The following ARIH1 variants were observed in gnomAD, a reference collection of about 807,000 sequenced individuals.
The protein encoded by ARIH1 is ariadne RBR E3 ubiquitin protein ligase 1.
ARIH1 carries 8 observed loss-of-function variants against 85.0 expected under a neutral mutation model. The observed-to-expected ratio is 0.09, with a 90% CI of 0.06 to 0.17. The LOEUF (loss-of-function observed/expected upper bound fraction) is 0.17. ARIH1 is among the 10% of genes least tolerant of loss of function. ARIH1 has a pLI of 1.00. For synonymous variants in ARIH1, 238 were observed against 253.6 expected, an observed-to-expected ratio of 0.94 and a Z score of 0.59; for missense variants, 311 against 718.1, an observed-to-expected ratio of 0.43 and a Z score of 6.48.
In ARIH1 at chr15:72,596,681, CTT is replaced by C. The variant is rs1420911983; in HGVS notation, c.*13391_*13392del. 6.6e-6 allele frequency: 1 copy of C among 152,130 alleles called. No homozygotes were observed. Among genetic ancestry groups the C allele is most frequent in the Non-Finnish European group, 1.5e-5 (1 of 68,012 alleles). 9.4% of individuals were successfully genotyped at this position (152,130 alleles called of 1,614,324 possible). A position where few individuals can be genotyped will look rare whatever the true frequency, so the allele number is the denominator to read the frequency against. ...GTTTGGATACTTTCCATTTAACCAT[CTT>C]TAAGTTTTTTGATGCTTTCCAATGT... On this transcript the variant is annotated 3_prime_UTR_variant, in exon 14 of 14. Transcript: ENST00000379887.
intron 2 of ARIH1, among the ~76,000 whole-genome samples, chr15:72,542,490 A>G (rs1297983599): frequency 1.3e-5 from 2 of 152,234 alleles, no homozygotes; most frequent in East Asian, 3.8e-4. Flanking sequence ...ATGGGCTAAG[A>G]TTTTAATCTA....
chr15:72,545,188 G>A (rs2064123541), intron 3 of ARIH1, among the ~76,000 whole-genome samples: 2 of 152,150 alleles, frequency 1.3e-5, no homozygotes, highest in South Asian at 2.1e-4. Context: ...ACTTGTCCAA[G>A]TTGTCATTTA....
At chr15:72,539,450 CAG>C (rs757422970) in intron 2 of ARIH1, among the ~76,000 whole-genome samples, 10 of 147,674 alleles carry the variant, frequency 6.8e-5, no homozygotes, top group Non-Finnish European at 1.3e-4. Context: ...ACTGACAGAA[CAG>C]AAAAAAAAAA....
chr15:72,506,367 A>AAAAAAAAAAAAG lies in ARIH1; in HGVS notation c.376-11690_376-11689insAGAAAAAAAAAA, dbSNP rs1555485516. On this transcript the variant is annotated intron_variant, in intron 1 of 13. Coordinates refer to ENST00000379887, the MANE Select transcript of ARIH1 (RefSeq NM_005744.5). ...TCCGTCTCACAAAAAAAAAAAAAAG[A>AAAAAAAAAAAAG]AAAAAAAAAAGAACTTAGTCATTGT... is the stretch of plus-strand genomic sequence containing the variant. 1.2e-3 allele frequency among the ~76,000 whole-genome samples: 164 copies of AAAAAAAAAAAAG among 140,742 alleles called. 1 individual carries two copies. Among genetic ancestry groups the AAAAAAAAAAAAG allele is most frequent in the African/African-American group, 3.9e-3 (148 of 38,422 alleles). The allele number at this position is 140,742 out of a possible 152,430, so 92.3% of individuals were successfully genotyped here. A position where few individuals can be genotyped will look rare whatever the true frequency, so the allele number is the denominator to read the frequency against.
At chr15:72,555,958 C>A (rs371233497) in intron 5 of ARIH1, 51 bp downstream of exon 5, 1 of 1,515,714 alleles carries the variant, frequency 6.6e-7, no homozygotes, top group South Asian at 1.2e-5. Context: ...GTTGGTTAAA[C>A]CAAATTAATT....
At chr15:72,537,591 A>G (rs182219490) in intron 2 of ARIH1, among the ~76,000 whole-genome samples, 131 of 152,242 alleles carry the variant, frequency 8.6e-4, no homozygotes, top group Admixed American at 1.6e-3. Context: ...GTTCTTATTC[A>G]TTCGTATGAT....
At chr15:72,562,227 T>C (rs1267858029) in intron 6 of ARIH1, among the ~76,000 whole-genome samples, 1 of 152,184 alleles carries the variant, frequency 6.6e-6, no homozygotes, top group East Asian at 1.9e-4. Context: ...TGCTATCCTT[T>C]ATTGGACCAT....
At chr15:72,555,476 A>T in intron 4 of ARIH1, 113 bp downstream of exon 4, 1 of 741,656 alleles carries the variant, frequency 1.3e-6, no homozygotes, top group Non-Finnish European at 2.2e-6. Context: ...ATGATTCTAG[A>T]TTCAAACAAC....
chr15:72,563,547 A>G, intron 7 of ARIH1, 47 bp downstream of exon 7: 1 of 1,486,830 alleles, frequency 6.7e-7, no homozygotes, highest in Non-Finnish European at 9.4e-7. Context: ...AAGCGTTTCC[A>G]TTTCTCCTGT....
intron 2 of ARIH1, among the ~76,000 whole-genome samples, chr15:72,535,349 A>G (rs970655328): frequency 7.2e-5 from 11 of 152,170 alleles, no homozygotes; most frequent in Admixed American, 6.5e-5. Context: ...CTTGCATGCT[A>G]AGTAGCATGT....
intron 1 of ARIH1, among the ~76,000 whole-genome samples, chr15:72,486,165 A>G (rs1326612201): frequency 6.6e-6 from 1 of 152,110 alleles, no homozygotes; most frequent in African/African-American, 2.4e-5. Context: ...TTGACCATAC[A>G]ATGGTTTCCC....
intron 3 of ARIH1, among the ~76,000 whole-genome samples, chr15:72,552,799 G>A (rs1278423157): frequency 6.7e-6 from 1 of 148,628 alleles, no homozygotes; most frequent in Admixed American, 6.7e-5. Flanking sequence ...TTTTGAGACA[G>A]AGTCTCGCTT....
intron 2 of ARIH1, among the ~76,000 whole-genome samples, chr15:72,529,589 A>G (rs1045981751): frequency 2.0e-5 from 3 of 152,226 alleles, no homozygotes; most frequent in South Asian, 2.1e-4. Context: ...GTATCATACA[A>G]TAGACCACCA....
intron 1 of ARIH1, among the ~76,000 whole-genome samples, chr15:72,503,627 C>T (rs2140402861): frequency 6.6e-6 from 1 of 152,302 alleles, no homozygotes; most frequent in Middle Eastern, 3.4e-3. Flanking sequence ...ATTCCCTCCA[C>T]CAAATACTGA....
chr15:72,583,501 A>G lies in ARIH1; in HGVS notation c.*209A>G, dbSNP rs4777517. ...CCATTGTACAACAGTATTCTAGGCC[A>G]CCAACAAAAGTGTGACAGACACACT... On this transcript the variant is annotated 3_prime_UTR_variant, in exon 14 of 14. Coordinates refer to ENST00000379887, the MANE Select transcript of ARIH1 (RefSeq NM_005744.5). 0.87 allele frequency: 370,870 copies of G among 424,814 alleles called. 171,391 individuals carry two copies. The highest frequency in any genetic ancestry group is 0.96 in the Non-Finnish European group (230,208 of 238,684). 26.3% of individuals were successfully genotyped at this position (424,814 alleles called of 1,614,324 possible).
At chr15:72,562,925 G>A (rs935942981) in intron 6 of ARIH1, among the ~76,000 whole-genome samples, 1 of 148,054 alleles carries the variant, frequency 6.8e-6, no homozygotes, top group African/African-American at 2.5e-5. Flanking sequence ...CACATCTGAA[G>A]TGTTGCTATA....
intron 2 of ARIH1, among the ~76,000 whole-genome samples, chr15:72,525,904 G>T (rs570892474): frequency 6.6e-6 from 1 of 152,000 alleles, no homozygotes; most frequent in African/African-American, 2.4e-5. Flanking sequence ...GCCCCACAAA[G>T]TGCTGGGATT....
At chr15:72,519,367 T>G (rs2140411608) in intron 2 of ARIH1, among the ~76,000 whole-genome samples, 1 of 151,458 alleles carries the variant, frequency 6.6e-6, no homozygotes, top group East Asian at 1.9e-4. Context: ...TAGTAACAAC[T>G]ATCTCAAAAC....
At chr15:72,513,681 C>T (rs1331123595) in intron 1 of ARIH1, among the ~76,000 whole-genome samples, 2 of 129,516 alleles carry the variant, frequency 1.5e-5, no homozygotes, top group African/African-American at 5.9e-5. Flanking sequence ...CTCTCTCTCT[C>T]CCTCTCCCTC....
Sources: gnomAD v4.1 joint callset for allele counts (sites outside exome capture counted in the v4.1 genomes callset) on GRCh38, gnomAD v4.1.1 for gene constraint, MANE v1.5 for transcripts, NCBI Gene and HGNC (gene_info 2026-07-23, HGNC 2026-07-21) for gene names.